The following DOCK8 variants were observed in gnomAD, a reference collection of about 807,000 sequenced individuals.
The protein encoded by DOCK8 is dedicator of cytokinesis 8, also known as dedicator of cytokinesis protein 8.
In DOCK8, 141 loss-of-function variants were observed where a neutral mutation model predicts 245.6. The observed-to-expected ratio is 0.57, with a 90% CI of 0.50 to 0.66. DOCK8 has a LOEUF of 0.66. Ranked by LOEUF, DOCK8 falls within the 30% of genes least tolerant of loss-of-function variation. The probability of loss-of-function intolerance (pLI) is 0.00; values close to 1 mark genes in which losing one functional copy is unlikely to be tolerated. For missense variants in DOCK8, 2,965 were observed against 2,603.4 expected (o/e 1.14, Z -3.02); for synonymous variants, 1,168 against 970.2 (o/e 1.20, Z -3.79).
chr9:395,924 C>T (rs2054431860), intron 24 of DOCK8, among the ~76,000 whole-genome samples: 3 of 151,844 alleles, frequency 2.0e-5, no homozygotes, highest in African/African-American at 7.3e-5. Context: ...ATATAAATAT[C>T]TTTCTGTCAG....
intron 46 of DOCK8, among the ~76,000 whole-genome samples, chr9:461,583 C>T (rs1587137412): frequency 7.3e-6 from 1 of 136,940 alleles, no homozygotes; most frequent in Non-Finnish European, 1.5e-5. Context: ...GTTCTGTCAC[C>T]CAGGCTGGAG....
At chr9:413,594 CA>C in intron 28 of DOCK8, among the ~76,000 whole-genome samples, 1 of 152,026 alleles carries the variant, frequency 6.6e-6, no homozygotes, top group Non-Finnish European at 1.5e-5. Context: ...TTTTAAAAGG[CA>C]AAAGATCAGA....
chr9:396,738 C>T, intron 24 of DOCK8, 47 bp from the exon 25 acceptor site: 1 of 1,611,492 alleles, frequency 6.2e-7, no homozygotes, highest in Non-Finnish European at 8.5e-7. Context: ...ATTGTACAAG[C>T]AGGTCACCAA....
intron 4 of DOCK8, among the ~76,000 whole-genome samples, chr9:291,504 TAAAG>T (rs937037339): frequency 5.3e-5 from 8 of 152,184 alleles, no homozygotes; most frequent in African/African-American, 1.9e-4. Flanking sequence ...GTTTTCACAG[TAAAG>T]AGTGATTCTC....
chr9:282,413 GTTTT>G (rs58014606), intron 2 of DOCK8, among the ~76,000 whole-genome samples: 1 of 131,764 alleles, frequency 7.6e-6, no homozygotes, highest in Non-Finnish European at 1.6e-5. Context: ...GTTTCGTTTT[GTTTT>G]TTTTTTTTTT....
intron 27 of DOCK8, 82 bp downstream of exon 27, chr9:405,155 A>C: frequency 7.2e-7 from 1 of 1,398,464 alleles, no homozygotes; most frequent in Non-Finnish European, 9.9e-7. Context: ...ATTTCCTATA[A>C]AGGTTAGTCT....
In DOCK8 at chr9:289,591, T is replaced by A. The variant is rs746559939; in HGVS notation, c.404+10T>A. On this transcript the variant is annotated intron_variant, in intron 4 of 47. Transcript: ENST00000432829. ...TAATCGTGAACCGGAAGTAAGTTACTTTTTTTCCACTTTTTGTATATAAAT... is the reference window on the plus strand; with the variant it reads ...TAATCGTGAACCGGAAGTAAGTTACATTTTTTCCACTTTTTGTATATAAAT... 1 of 1,503,358 alleles carries A rather than the reference T, an allele frequency of 6.7e-7. No homozygotes were observed. Among genetic ancestry groups the A allele is most frequent in the Admixed American group, 1.7e-5 (1 of 57,722 alleles). 93.1% of individuals were successfully genotyped at this position (1,503,358 alleles called of 1,614,324 possible). A position where few individuals can be genotyped will look rare whatever the true frequency, so the allele number is the denominator to read the frequency against.
chr9:397,371 A>ATATT (rs2054514116), intron 25 of DOCK8, among the ~76,000 whole-genome samples: 2 of 148,562 alleles, frequency 1.3e-5, no homozygotes, highest in Admixed American at 6.7e-5. Flanking sequence ...AAAAAAAGAA[A>ATATT]TTGCAATATG....
chr9:242,248 C>T (rs544259188), intron 1 of DOCK8, among the ~76,000 whole-genome samples: 1 of 152,094 alleles, frequency 6.6e-6, no homozygotes, highest in Non-Finnish European at 1.5e-5. Flanking sequence ...CACCACCCCC[C>T]AAAAAATGAC....
intron 46 of DOCK8, chr9:460,092 C>A (rs1021328497): frequency 6.6e-6 from 1 of 152,194 alleles, no homozygotes; most frequent in Non-Finnish European, 1.5e-5. Flanking sequence ...ATCATAGCTT[C>A]TGATTTAATT....
intron 4 of DOCK8, among the ~76,000 whole-genome samples, chr9:290,312 A>AGTG (rs1307549494): frequency 6.6e-6 from 1 of 151,566 alleles, no homozygotes; most frequent in East Asian, 1.9e-4. Context: ...AGCTATTGTT[A>AGTG]GTGTTAGTGT....
At chr9:432,964 C>G (rs189435898) in intron 37 of DOCK8, among the ~76,000 whole-genome samples, 7 of 152,276 alleles carry the variant, frequency 4.6e-5, no homozygotes, top group African/African-American at 1.7e-4. Context: ...CAGCTCCTAG[C>G]CTGCTCTATG....
intron 31 of DOCK8, 88 bp from the exon 32 acceptor site, chr9:420,861 A>G: frequency 6.4e-7 from 1 of 1,558,398 alleles, no homozygotes; most frequent in East Asian, 2.2e-5. Flanking sequence ...CTTAGCTGGC[A>G]TCACTGTGGA....
intron 28 of DOCK8, among the ~76,000 whole-genome samples, chr9:412,834 A>G (rs1050376641): frequency 1.3e-5 from 2 of 151,642 alleles, no homozygotes; most frequent in Non-Finnish European, 2.9e-5. Context: ...CCCCAAATTG[A>G]TCCATAGATT....
At chr9:296,689 G>T (rs141982219) in intron 4 of DOCK8, among the ~76,000 whole-genome samples, 1,722 of 152,262 alleles carry the variant, frequency 0.011, 19 homozygotes, top group Non-Finnish European at 0.016. Flanking sequence ...TGCTTATTAT[G>T]ACATGCATTT....
chr9:360,788 T>G (rs1285350623), intron 14 of DOCK8, among the ~76,000 whole-genome samples: 2 of 152,112 alleles, frequency 1.3e-5, no homozygotes, highest in Non-Finnish European at 1.5e-5. Flanking sequence ...GAGTAGGAAA[T>G]TGTCAAGCAC....
intron 38 of DOCK8, 99 bp downstream of exon 38, chr9:434,074 T>C: frequency 1.1e-6 from 1 of 874,634 alleles, no homozygotes; most frequent in Non-Finnish European, 1.9e-6. Flanking sequence ...AACATGGATA[T>C]AGTGATTTGG....
chr9:228,909 G>C (rs1192918244), intron 1 of DOCK8, among the ~76,000 whole-genome samples: 1 of 152,184 alleles, frequency 6.6e-6, no homozygotes, highest in Non-Finnish European at 1.5e-5. Context: ...CAGGACCTTG[G>C]TGCTGACTGT....
chr9:439,044 G>A (rs2056997670), intron 39 of DOCK8, among the ~76,000 whole-genome samples: 1 of 152,144 alleles, frequency 6.6e-6, no homozygotes, highest in Admixed American at 6.5e-5. Flanking sequence ...AAAACGTGAG[G>A]TTTGAAGACC....
Sources: allele counts gnomAD v4.1 joint callset (sites outside exome capture counted in the v4.1 genomes callset), GRCh38; gene constraint gnomAD v4.1.1; transcripts MANE v1.5; gene names NCBI Gene and HGNC (gene_info 2026-07-23, HGNC 2026-07-21).